The following SUGCT variants were observed in gnomAD, a reference collection of about 807,000 sequenced individuals.
The protein encoded by SUGCT is succinyl-CoA:glutarate-CoA transferase.
In SUGCT, 41 loss-of-function variants were observed where a neutral mutation model predicts 55.0. The ratio of observed to expected loss-of-function variants is 0.74; its 90% CI spans 0.58 to 0.97. The LOEUF (loss-of-function observed/expected upper bound fraction) is 0.97, where lower values mean the gene tolerates loss of function less well. SUGCT is among the 50% of genes least tolerant of loss of function. The pLI is 0.00. For synonymous variants in SUGCT, 187 were observed against 200.4 expected (o/e 0.93, Z 0.56); for missense variants, 568 against 547.8 (o/e 1.04, Z -0.37).
At chr7:40,183,701 G>A (rs553341645) in intron 3 of SUGCT, among the ~76,000 whole-genome samples, 39 of 152,232 alleles carry the variant, frequency 2.6e-4, no homozygotes, top group Admixed American at 6.5e-4. Flanking sequence ...AGCGGGAAAC[G>A]CCTAAGCTTA....
intron 7 of SUGCT, among the ~76,000 whole-genome samples, chr7:40,273,874 T>A (rs1188281832): frequency 1.3e-5 from 2 of 152,168 alleles, no homozygotes; most frequent in African/African-American, 4.8e-5. Flanking sequence ...GCAAAGCTCA[T>A]GCCCTGTGCC....
chr7:40,364,530 C>G (rs1423195977), intron 9 of SUGCT, among the ~76,000 whole-genome samples: 2 of 152,126 alleles, frequency 1.3e-5, no homozygotes, highest in Non-Finnish European at 2.9e-5. Flanking sequence ...AATCTCTCAG[C>G]ATTTGCTTGT....
chr7:40,271,136 A>G (rs969342121), intron 7 of SUGCT, among the ~76,000 whole-genome samples: 6 of 152,172 alleles, frequency 3.9e-5, no homozygotes, highest in African/African-American at 1.4e-4. Flanking sequence ...GTCATCTGCA[A>G]ATTGAGATAG....
downstream of SUGCT, among the ~76,000 whole-genome samples, chr7:40,865,178 T>C (rs2128811845): frequency 1.3e-5 from 2 of 152,074 alleles, no homozygotes; most frequent in Non-Finnish European, 2.9e-5. Flanking sequence ...CCTTTCTTCA[T>C]CTCCTCATCC....
intron 13 of SUGCT, among the ~76,000 whole-genome samples, chr7:40,765,053 G>T (rs771198444): frequency 6.6e-6 from 1 of 152,156 alleles, no homozygotes; most frequent in Admixed American, 6.5e-5. Context: ...CTCAGAATGT[G>T]TAAGTGACAG....
intron 1 of SUGCT, among the ~76,000 whole-genome samples, chr7:40,169,210 G>C (rs764596337): frequency 6.6e-6 from 1 of 152,106 alleles, no homozygotes; most frequent in Non-Finnish European, 1.5e-5. Context: ...CCCTAACAAA[G>C]TGGGGCTTTC....
At chr7:40,720,911 T>A (rs1354693789) in intron 12 of SUGCT, among the ~76,000 whole-genome samples, 1 of 152,252 alleles carries the variant, frequency 6.6e-6, no homozygotes, top group Non-Finnish European at 1.5e-5. Context: ...ATTTCTAGGT[T>A]CTACCTGGAT....
the SUGCT span, among the ~76,000 whole-genome samples, chr7:41,033,367 G>T: frequency 5.9e-5 from 9 of 151,996 alleles, no homozygotes; most frequent in African/African-American, 2.2e-4. Flanking sequence ...ATGCTGTATG[G>T]CCATTTAAAT....
intron 12 of SUGCT, among the ~76,000 whole-genome samples, chr7:40,679,454 A>G (rs1165537780): frequency 6.6e-6 from 1 of 152,124 alleles, no homozygotes; most frequent in Non-Finnish European, 1.5e-5. Context: ...TAAGGCTACA[A>G]TCTCATGACA....
At chr7:40,145,690 G>C (rs1157102822) in intron 1 of SUGCT, among the ~76,000 whole-genome samples, 3 of 152,042 alleles carry the variant, frequency 2.0e-5, no homozygotes, top group Non-Finnish European at 4.4e-5. Flanking sequence ...ATTATTCTTT[G>C]GTATTAATAA....
At chr7:40,860,237 A>G in intron 13 of SUGCT, 79 bp from the exon 14 acceptor site, 1 of 1,574,996 alleles carries the variant, frequency 6.3e-7, no homozygotes, top group South Asian at 1.1e-5. Context: ...ATTCATGGAA[A>G]ACACCCCAGG....
intron 6 of SUGCT, among the ~76,000 whole-genome samples, chr7:40,205,578 T>C (rs1467122531): frequency 2.1e-5 from 3 of 144,288 alleles, no homozygotes; most frequent in Non-Finnish European, 3.0e-5. Context: ...GAGGCGGAGA[T>C]TGCAGTGAGC....
At chr7:40,284,511 G>C (rs1451996873) in intron 8 of SUGCT, among the ~76,000 whole-genome samples, 1 of 151,594 alleles carries the variant, frequency 6.6e-6, no homozygotes, top group Non-Finnish European at 1.5e-5. Flanking sequence ...TGGAGGCTGA[G>C]GCAGGAGAAT....
rs978089359 is a variant in SUGCT at position 40,331,819 on chromosome 7, G to A, written c.816+14964G>A. 3.3e-5 allele frequency among the ~76,000 whole-genome samples: 5 copies of A among 152,254 alleles called. No homozygotes were observed. The East Asian group carries it at 9.7e-4, about 29-fold the overall frequency. On this transcript the variant is annotated intron_variant, in intron 9 of 13. Transcript: ENST00000335693. ...ACATGTGAATCCTAGAACAGTAACT[G>A]GGAGAGAAGTTCCACACTGAGATTC... is the stretch of plus-strand genomic sequence containing the variant.
At chr7:40,443,573 GA>G (rs1788639278) in intron 9 of SUGCT, among the ~76,000 whole-genome samples, 2 of 152,062 alleles carry the variant, frequency 1.3e-5, no homozygotes, top group South Asian at 4.1e-4. Flanking sequence ...TGGGGTGTTT[GA>G]TTTTTTCTTG....
At chr7:40,712,792 A>T (rs1785795979) in intron 12 of SUGCT, among the ~76,000 whole-genome samples, 1 of 152,116 alleles carries the variant, frequency 6.6e-6, no homozygotes. Flanking sequence ...CATAGAGTTA[A>T]ACTTAGGGAG....
chr7:40,899,481 A>G, the SUGCT span, among the ~76,000 whole-genome samples: 1 of 152,190 alleles, frequency 6.6e-6, no homozygotes, highest in Non-Finnish European at 1.5e-5. Flanking sequence ...GCGACTCAAG[A>G]GGCAACGCAC....
intron 9 of SUGCT, among the ~76,000 whole-genome samples, chr7:40,422,689 T>A (rs1446284880): frequency 6.6e-6 from 1 of 152,178 alleles, no homozygotes; most frequent in Middle Eastern, 3.4e-3. Flanking sequence ...AAACATCAGG[T>A]GTCTTGGGTA....
rs896857434 is a variant in SUGCT, at chr7:40,773,197, C to T, written c.1153+23700C>T. Among the ~76,000 whole-genome samples, 6 of 151,122 alleles carry T rather than the reference C, an allele frequency of 4.0e-5. No individual in the cohort carries two copies. The East Asian group carries it at 5.9e-4, about 15-fold the overall frequency. Reference sequence around the variant, plus strand: ...AGGCTGGAGTGCAATGGTGTGATCTCGGCTCACTGCAACTTCCACCTCCTG... The same window carrying T: ...AGGCTGGAGTGCAATGGTGTGATCTTGGCTCACTGCAACTTCCACCTCCTG... On this transcript the variant is annotated intron_variant, in intron 13 of 13. Transcript: ENST00000335693.
Sources: allele counts gnomAD v4.1 joint callset (sites outside exome capture counted in the v4.1 genomes callset), GRCh38; gene constraint gnomAD v4.1.1; transcripts MANE v1.5; gene names NCBI Gene and HGNC (gene_info 2026-07-23, HGNC 2026-07-21).